FAM13A: variants seen among roughly 807,000 people sequenced by gnomAD.
FAM13A encodes the protein protein FAM13A.
A neutral mutation model predicts 129.6 loss-of-function variants in FAM13A; 76 were observed. That is an observed-to-expected ratio of 0.59 (90% CI 0.49 to 0.71). The LOEUF (loss-of-function observed/expected upper bound fraction) is 0.71. Ranked by LOEUF, FAM13A falls within the 30% of genes least tolerant of loss-of-function variation. The pLI is 0.00. For missense variants in FAM13A, 1,108 were observed against 1,249.3 expected (o/e 0.89, Z 1.70); for synonymous variants, 443 against 449.9 (o/e 0.98, Z 0.20).
intron 1 of FAM13A, among the ~76,000 whole-genome samples, chr4:89,041,099 A>C (rs143760825): frequency 6.6e-6 from 1 of 152,322 alleles, no homozygotes; most frequent in African/African-American, 2.4e-5. Flanking sequence ...GTGTGAGTAT[A>C]AGGGAGATAA....
At chr4:88,751,980 G>A (rs1316208895) in intron 14 of FAM13A, among the ~76,000 whole-genome samples, 2 of 152,060 alleles carry the variant, frequency 1.3e-5, no homozygotes, top group Non-Finnish European at 2.9e-5. Context: ...GCTTATTCAG[G>A]CTTCTATTTA....
chr4:89,047,263 T>C (rs1770982601), intron 1 of FAM13A, among the ~76,000 whole-genome samples: 1 of 152,182 alleles, frequency 6.6e-6, no homozygotes, highest in African/African-American at 2.4e-5. Context: ...ATATATTAAG[T>C]GGTTTTTTTT....
At chr4:88,817,537 T>A (rs887121363) in intron 7 of FAM13A, among the ~76,000 whole-genome samples, 3 of 151,328 alleles carry the variant, frequency 2.0e-5, no homozygotes, top group Non-Finnish European at 4.4e-5. Flanking sequence ...CACTCCAGCC[T>A]AGGGGACAGA....
intron 7 of FAM13A, among the ~76,000 whole-genome samples, chr4:88,840,601 G>C (rs1276681555): frequency 1.3e-5 from 2 of 152,008 alleles, no homozygotes; most frequent in African/African-American, 4.8e-5. Context: ...TGTAATGGGA[G>C]AGAAGGCAGA....
intron 5 of FAM13A, among the ~76,000 whole-genome samples, chr4:88,919,829 C>T (rs573379687): frequency 1.2e-4 from 19 of 152,220 alleles, no homozygotes; most frequent in African/African-American, 3.4e-4. Context: ...CCTGGAAAAT[C>T]GGGTCACTCC....
At chr4:88,773,104 T>G (rs1721007835) in intron 11 of FAM13A, among the ~76,000 whole-genome samples, 1 of 152,172 alleles carries the variant, frequency 6.6e-6, no homozygotes, top group Non-Finnish European at 1.5e-5. Flanking sequence ...ATCACACCAC[T>G]CCACTTGTCC....
intron 6 of FAM13A, among the ~76,000 whole-genome samples, chr4:88,856,292 T>C (rs1292906204): frequency 1.3e-5 from 2 of 151,508 alleles, no homozygotes; most frequent in Non-Finnish European, 1.5e-5. Context: ...CAAGCCTCAG[T>C]GACATAATGA....
In FAM13A at chr4:88,750,330, T is replaced by G. The variant is rs1578482530; in HGVS notation, c.1940+94A>C. 18 of 1,047,164 alleles carry G rather than the reference T, an allele frequency of 1.7e-5. No individual in the cohort carries two copies. In the East Asian group the frequency reaches 4.3e-4, roughly 25 times the overall value. The allele number at this position is 1,047,164 out of a possible 1,614,324, so 64.9% of individuals were successfully genotyped here. Reference sequence around the variant, plus strand: ...TATGTTGCTCCATAGGCTCACGACTTAATTAAAAAAAATTATTCACTATCA... The same window carrying G: ...TATGTTGCTCCATAGGCTCACGACTGAATTAAAAAAAATTATTCACTATCA... On this transcript the variant is annotated intron_variant, in intron 15 of 23. Transcript: ENST00000264344.
chr4:88,857,461 G>C (rs1239338493), intron 6 of FAM13A, among the ~76,000 whole-genome samples: 1 of 151,558 alleles, frequency 6.6e-6, no homozygotes, highest in African/African-American at 2.4e-5. Context: ...AACCCTGTCA[G>C]TACTAAAAAT....
chr4:88,967,923 G>A (rs889675304), intron 4 of FAM13A, among the ~76,000 whole-genome samples: 3 of 152,160 alleles, frequency 2.0e-5, no homozygotes, highest in African/African-American at 7.2e-5. Flanking sequence ...GCCATGTGGA[G>A]GACACTGGCT....
intron 3 of FAM13A, among the ~76,000 whole-genome samples, chr4:88,991,446 A>AAAT (rs1311309303): frequency 3.1e-4 from 47 of 152,190 alleles, no homozygotes; most frequent in African/African-American, 1.1e-3. Flanking sequence ...TCAAAATAAA[A>AAAT]AATAATAATA....
intron 6 of FAM13A, among the ~76,000 whole-genome samples, chr4:88,891,202 C>T (rs1171391202): frequency 1.3e-5 from 2 of 152,148 alleles, no homozygotes; most frequent in Admixed American, 6.5e-5. Flanking sequence ...GCAGGTGGAT[C>T]GCTTGAGCTT....
intron 4 of FAM13A, among the ~76,000 whole-genome samples, chr4:88,978,772 C>T (rs1442238086): frequency 2.6e-5 from 4 of 151,462 alleles, no homozygotes; most frequent in South Asian, 2.1e-4. Flanking sequence ...CCAGCCTGGG[C>T]GACAGGGCGA....
At position 89,025,245 on chromosome 4, in the gene FAM13A, G is replaced by GTTTTTTTTTTTT. The variant is rs56710705; in HGVS notation, c.217+4203_217+4214dup. ...GCTAAAGGTTAACCATGGAATCATT[G>GTTTTTTTTTTTT]TTTTTTTTTTTTTTTTTTTTTTTTT... On this transcript the variant is annotated intron_variant, in intron 2 of 23. Coordinates refer to ENST00000264344, the MANE Select transcript of FAM13A (RefSeq NM_014883.4). Among the ~76,000 whole-genome samples the GTTTTTTTTTTTT allele has an allele frequency of 1.4e-3, 87 of 61,370 alleles. 20 individuals are homozygous for GTTTTTTTTTTTT. Among genetic ancestry groups the GTTTTTTTTTTTT allele is most frequent in the Middle Eastern group, 0.034 (2 of 58 alleles). The allele number at this position is 61,370 out of a possible 152,430, so 40.3% of individuals were successfully genotyped here.
chr4:88,812,586 C>A (rs188410922), intron 7 of FAM13A, among the ~76,000 whole-genome samples: 14 of 152,292 alleles, frequency 9.2e-5, no homozygotes, highest in Non-Finnish European at 1.9e-4. Flanking sequence ...TCTCTCAGTT[C>A]AAGTGTCATC....
intron 3 of FAM13A, among the ~76,000 whole-genome samples, chr4:89,019,105 G>A (rs1766900997): frequency 6.6e-6 from 1 of 152,186 alleles, no homozygotes; most frequent in Non-Finnish European, 1.5e-5. Context: ...CTAGGGGATG[G>A]CAAGTGGAGG....
chr4:88,880,783 C>G (rs866212504), intron 6 of FAM13A, among the ~76,000 whole-genome samples: 60 of 30,034 alleles, frequency 2.0e-3, no homozygotes, highest in South Asian at 3.1e-3. Context: ...CGGTGGGGGG[C>G]GGGGGGGGGG....
chr4:88,911,213 C>T (rs1749045099), intron 5 of FAM13A, among the ~76,000 whole-genome samples: 1 of 152,128 alleles, frequency 6.6e-6, no homozygotes, highest in Admixed American at 6.6e-5. Context: ...AATTTCTTTC[C>T]TCCAGTCTCC....
intron 4 of FAM13A, among the ~76,000 whole-genome samples, chr4:88,968,036 T>C (rs1194734086): frequency 5.9e-5 from 9 of 152,180 alleles, no homozygotes; most frequent in Admixed American, 5.9e-4. Flanking sequence ...ACAGAAGACC[T>C]GCCATAATTT....
Sources: allele counts gnomAD v4.1 joint callset (sites outside exome capture counted in the v4.1 genomes callset), GRCh38; gene constraint gnomAD v4.1.1; transcripts MANE v1.5; gene names NCBI Gene and HGNC (gene_info 2026-07-23, HGNC 2026-07-21).